The following PDE4D variants were observed in gnomAD, a reference collection of about 807,000 sequenced individuals.
The protein encoded by PDE4D is 3',5'-cyclic-AMP phosphodiesterase 4D.
A neutral mutation model predicts 87.4 loss-of-function variants in PDE4D; 24 were observed. The observed-to-expected ratio is 0.27, with a 90% CI of 0.20 to 0.39. The LOEUF (loss-of-function observed/expected upper bound fraction) is 0.39, where lower values mean the gene tolerates loss of function less well. Ranked by LOEUF, PDE4D falls within the 10% of genes least tolerant of loss-of-function variation. The pLI, the probability that PDE4D is intolerant of heterozygous loss-of-function variation, is 1.00. For synonymous variants in PDE4D, 384 were observed against 383.2 expected (o/e 1.00, Z -0.02); for missense variants, 714 against 1,041.0 (o/e 0.69, Z 4.32).
chr5:60,042,745 G>C (rs2152869606), intron 2 of PDE4D, among the ~76,000 whole-genome samples: 1 of 152,260 alleles, frequency 6.6e-6, no homozygotes, highest in Admixed American at 6.5e-5. Context: ...GAAAGGAGTA[G>C]CATCAACGTC....
intron 1 of PDE4D, chr5:59,587,514 C>G: frequency 1.0e-6 from 1 of 985,428 alleles, no homozygotes; most frequent in Non-Finnish European, 1.2e-6. Flanking sequence ...CGCCGAATTT[C>G]CAGCAGAACC....
intron 1 of PDE4D, among the ~76,000 whole-genome samples, chr5:59,248,849 C>T (rs569356577): frequency 2.5e-4 from 38 of 152,034 alleles, no homozygotes; most frequent in Non-Finnish European, 4.7e-4. Flanking sequence ...GTATCCCTAC[C>T]TTATATTAAG....
At chr5:59,375,912 C>T (rs1359721714) in intron 1 of PDE4D, among the ~76,000 whole-genome samples, 3 of 152,108 alleles carry the variant, frequency 2.0e-5, no homozygotes, top group African/African-American at 7.2e-5. Flanking sequence ...TGATTCATCA[C>T]ATAAACAGAA....
At chr5:60,425,149 C>T (rs1425105453) in intron 1 of PDE4D, among the ~76,000 whole-genome samples, 1 of 152,132 alleles carries the variant, frequency 6.6e-6, no homozygotes, top group African/African-American at 2.4e-5. Flanking sequence ...CATCAAGCCA[C>T]CAATGACTTT....
At chr5:59,081,671 A>C (rs1234661988) in intron 5 of PDE4D, among the ~76,000 whole-genome samples, 1 of 152,026 alleles carries the variant, frequency 6.6e-6, no homozygotes, top group African/African-American at 2.4e-5. Context: ...CTTTTCCTCA[A>C]ATTTATATTT....
At chr5:59,265,960 C>T (rs976535438) in intron 1 of PDE4D, among the ~76,000 whole-genome samples, 9 of 152,048 alleles carry the variant, frequency 5.9e-5, no homozygotes, top group Non-Finnish European at 1.5e-5. Flanking sequence ...CGAATTACAG[C>T]TACTTACTTA....
At chr5:59,446,413 TATC>T (rs946263404) in intron 1 of PDE4D, among the ~76,000 whole-genome samples, 1 of 152,214 alleles carries the variant, frequency 6.6e-6, no homozygotes, top group African/African-American at 2.4e-5. Context: ...CTTTGGGAAT[TATC>T]ATTACAGGGC....
chr5:59,133,869 C>A (rs1443297329), intron 5 of PDE4D, among the ~76,000 whole-genome samples: 1 of 152,112 alleles, frequency 6.6e-6, no homozygotes, highest in African/African-American at 2.4e-5. Context: ...CAAACTTTGA[C>A]CAATGAGAGA....
intron 5 of PDE4D, among the ~76,000 whole-genome samples, chr5:59,117,475 A>G (rs1773793307): frequency 6.6e-6 from 1 of 152,012 alleles, no homozygotes; most frequent in Non-Finnish European, 1.5e-5. Context: ...ATATTTGTGC[A>G]TCACGGTGGG....
At chr5:60,474,105 C>CATATATATATATATGTGTATAT (rs1554041473) in intron 1 of PDE4D, among the ~76,000 whole-genome samples, 1 of 30,982 alleles carries the variant, frequency 3.2e-5, no homozygotes, top group African/African-American at 7.8e-5. Flanking sequence ...TTTGAGCTGC[C>CATATATATATATATGTGTATAT]ATATATATAT....
intron 3 of PDE4D, among the ~76,000 whole-genome samples, chr5:59,968,928 A>G (rs2152816034): frequency 6.6e-6 from 1 of 152,166 alleles, no homozygotes; most frequent in Middle Eastern, 3.4e-3. Context: ...ATTATTGACA[A>G]TTTGAGATGG....
At chr5:59,539,578 C>A (rs1815923484) in intron 1 of PDE4D, among the ~76,000 whole-genome samples, 1 of 151,518 alleles carries the variant, frequency 6.6e-6, no homozygotes, top group Admixed American at 6.6e-5. Flanking sequence ...ATGAAGAAGC[C>A]AATTTTCTTT....
At chr5:59,478,677 T>C (rs1172968067) in intron 1 of PDE4D, among the ~76,000 whole-genome samples, 2 of 152,100 alleles carry the variant, frequency 1.3e-5, no homozygotes, top group African/African-American at 4.8e-5. Flanking sequence ...TGTGTGCATA[T>C]GTTCACCAAT....
intron 1 of PDE4D, among the ~76,000 whole-genome samples, chr5:60,418,090 T>C (rs555990534): frequency 6.6e-6 from 1 of 152,258 alleles, no homozygotes; most frequent in African/African-American, 2.4e-5. Context: ...CAGGAAAACA[T>C]TGATTCGGAA....
intron 1 of PDE4D, among the ~76,000 whole-genome samples, chr5:59,221,956 G>A (rs1166487018): frequency 1.3e-5 from 2 of 152,146 alleles, no homozygotes; most frequent in African/African-American, 4.8e-5. Flanking sequence ...GCTATATTTG[G>A]TCTCCCATGA....
chr5:59,493,429 C>T (rs1489947069), intron 1 of PDE4D, among the ~76,000 whole-genome samples: 3 of 152,172 alleles, frequency 2.0e-5, no homozygotes, highest in Non-Finnish European at 2.9e-5. Flanking sequence ...ATCGAGTTTA[C>T]TATTTGGTAA....
chr5:60,288,596 C>G (rs903644706), intron 1 of PDE4D, among the ~76,000 whole-genome samples: 1 of 152,180 alleles, frequency 6.6e-6, no homozygotes, highest in East Asian at 1.9e-4. Context: ...AGTTTTTTAA[C>G]TATAAAGAAT....
At chr5:59,123,193 T>A (rs1420432454) in intron 5 of PDE4D, among the ~76,000 whole-genome samples, 1 of 152,194 alleles carries the variant, frequency 6.6e-6, no homozygotes, top group Admixed American at 6.5e-5. Context: ...AATTCTCGGG[T>A]CTATGTGCTT....
At chr5:60,053,881 G>T (rs1381268843) in intron 2 of PDE4D, among the ~76,000 whole-genome samples, 1 of 152,176 alleles carries the variant, frequency 6.6e-6, no homozygotes, top group Non-Finnish European at 1.5e-5. Flanking sequence ...CGAAGGATAT[G>T]AACAGACACT....
Sources: allele counts gnomAD v4.1 joint callset (sites outside exome capture counted in the v4.1 genomes callset), GRCh38; gene constraint gnomAD v4.1.1; transcripts MANE v1.5; gene names NCBI Gene and HGNC (gene_info 2026-07-23, HGNC 2026-07-21).